ZNF280B: variants seen among roughly 807,000 people sequenced by gnomAD.
ZNF280B encodes zinc finger protein 280B.
In ZNF280B, 16 loss-of-function variants were observed where a neutral mutation model predicts 38.0. The observed-to-expected ratio is 0.42, with a 90% CI of 0.28 to 0.64. The LOEUF (loss-of-function observed/expected upper bound fraction) is 0.64, where lower values mean the gene tolerates loss of function less well. ZNF280B is among the 30% of genes least tolerant of loss of function. ZNF280B has a pLI of 0.21. For missense variants in ZNF280B, 581 were observed against 639.6 expected, an observed-to-expected ratio of 0.91 and a Z score of 0.99; for synonymous variants, 253 against 230.6, an observed-to-expected ratio of 1.10 and a Z score of -0.88.
chr22:22,488,201 C>T lies in ZNF280B; in HGVS notation c.1198G>A (p.Glu400Lys), dbSNP rs775765845. Residue 400 changes from glutamate to lysine, a missense_variant, in exon 4 of 4, where the codon GAA becomes AAA. Glu to Lys is a moderately conservative substitution (Grantham distance 56). Transcript: ENST00000626650. ...CAAACCTGGCACACATAGGGCATTT[C>T]GCCAGGCTTATGATGGTCCTTCATG... ...QHMKDHHKPGEMPYVCQVCHY... is the reference protein window; with the variant it reads ...QHMKDHHKPGKMPYVCQVCHY... 8 of 1,613,882 alleles carry T rather than the reference C, an allele frequency of 5.0e-6. No individual in the cohort carries two copies. The highest frequency in any genetic ancestry group is 1.7e-5 in the Admixed American group (1 of 59,976).
intron 2 of ZNF280B, among the ~76,000 whole-genome samples, chr22:22,495,519 G>C (rs1471989921): frequency 6.6e-6 from 1 of 151,788 alleles, no homozygotes; most frequent in Admixed American, 6.6e-5. Context: ...TATAGAATTA[G>C]GAAAAAAATA....
At chr22:22,495,917 T>C (rs563819088) in intron 2 of ZNF280B, among the ~76,000 whole-genome samples, 3 of 151,572 alleles carry the variant, frequency 2.0e-5, no homozygotes, top group African/African-American at 7.3e-5. Context: ...TTGATTCTCT[T>C]GCCTCAGCCT....
At chr22:22,504,813 G>A (rs1451450883) in intron 2 of ZNF280B, among the ~76,000 whole-genome samples, 1 of 151,922 alleles carries the variant, frequency 6.6e-6, no homozygotes, top group Non-Finnish European at 1.5e-5. Flanking sequence ...CAGAGAAAAG[G>A]AGAAAGGGAA....
In ZNF280B at chr22:22,503,072, C is replaced by T. The variant is rs183230100; in HGVS notation, c.-187+4738G>A. Among the ~76,000 whole-genome samples, 175 of 152,054 alleles carry T rather than the reference C, an allele frequency of 1.2e-3. 1 individual carries two copies. The highest frequency in any genetic ancestry group is 4.1e-3 in the African/African-American group (170 of 41,492). On this transcript the variant is annotated intron_variant, in intron 2 of 3. Coordinates refer to ENST00000626650, the MANE Select transcript of ZNF280B (RefSeq NM_080764.4). Reference sequence around the variant, plus strand: ...TAGAAGATGCAAAGAATGGATTCTCCGCTAGAGTTTCCCAGGGGAGGACAG... The same window carrying T: ...TAGAAGATGCAAAGAATGGATTCTCTGCTAGAGTTTCCCAGGGGAGGACAG...
At chr22:22,492,543 A>T (rs1014636448) in intron 3 of ZNF280B, among the ~76,000 whole-genome samples, 2 of 151,974 alleles carry the variant, frequency 1.3e-5, no homozygotes, top group Non-Finnish European at 2.9e-5. Flanking sequence ...CCACATTTCC[A>T]GTAACTACCT....
intron 2 of ZNF280B, among the ~76,000 whole-genome samples, chr22:22,506,111 A>G (rs1478166928): frequency 1.3e-5 from 2 of 151,900 alleles, no homozygotes; most frequent in Non-Finnish European, 2.9e-5. Context: ...ACAAGAGGTA[A>G]TGCTGAGCAG....
chr22:22,487,851 A>C lies in ZNF280B; in HGVS notation c.1548T>G (p.Asp516Glu). The change falls in exon 4 of 4, where the codon GAT becomes GAG. Residue 516 changes from aspartate to glutamate, a missense_variant. Coordinates refer to ENST00000626650, the MANE Select transcript of ZNF280B (RefSeq NM_080764.4). ...ATGTGCTCACAGTTATGGATGCTAC[A>C]TCCACTGATCCTGGCTGAAGAGGTT... Reference protein sequence around the residue: ...SLEPLQPGSVDVASITVSTSD... With the variant: ...SLEPLQPGSVEVASITVSTSD... The C allele has an allele frequency of 1.2e-6, 2 of 1,613,862 alleles. No homozygotes were observed. The highest frequency in any genetic ancestry group is 1.1e-5 in the South Asian group (1 of 91,066).
At chr22:22,494,875 G>A (rs1454852937) in intron 2 of ZNF280B, among the ~76,000 whole-genome samples, 3 of 151,802 alleles carry the variant, frequency 2.0e-5, no homozygotes, top group Admixed American at 1.3e-4. Flanking sequence ...TTACAGGTGC[G>A]TGCCACCACG....
At chr22:22,502,132 C>G (rs1198341229) in intron 2 of ZNF280B, among the ~76,000 whole-genome samples, 2 of 151,612 alleles carry the variant, frequency 1.3e-5, no homozygotes, top group Non-Finnish European at 2.9e-5. Flanking sequence ...GTCTCAAAAA[C>G]AAACAATAAA....
rs1237090602 is a variant in ZNF280B at position 22,488,497 on chromosome 22, T to C, written c.902A>G (p.Gln301Arg). The change falls in exon 4 of 4, where the codon CAG becomes CGG. Residue 301 changes from glutamine to arginine, a missense_variant. By Grantham distance (43) the Gln-to-Arg change is conservative (BLOSUM62 1). Coordinates refer to ENST00000626650, the MANE Select transcript of ZNF280B (RefSeq NM_080764.4). Reference protein sequence around the residue: ...GQHKGEGQPEQKTHTTFKCLS... With the variant: ...GQHKGEGQPERKTHTTFKCLS... ...GCATTTAAAGGTGGTGTGAGTCTTCTGTTCCGGCTGCCCTTCTCCTTTATG... is the reference window on the plus strand; with the variant it reads ...GCATTTAAAGGTGGTGTGAGTCTTCCGTTCCGGCTGCCCTTCTCCTTTATG... 2 of 1,613,970 alleles carry C rather than the reference T, an allele frequency of 1.2e-6. No individual in the cohort carries two copies. Among genetic ancestry groups the C allele is most frequent in the Non-Finnish European group, 8.5e-7 (1 of 1,179,990 alleles).
chr22:22,497,332 A>C (rs1481077807), intron 2 of ZNF280B, among the ~76,000 whole-genome samples: 3 of 149,844 alleles, frequency 2.0e-5, no homozygotes, highest in Non-Finnish European at 4.4e-5. Flanking sequence ...GGAGTTCGAG[A>C]CCAGCCTGAC....
At chr22:22,496,187 C>T (rs1452839681) in intron 2 of ZNF280B, among the ~76,000 whole-genome samples, 1 of 146,834 alleles carries the variant, frequency 6.8e-6, no homozygotes, top group African/African-American at 2.5e-5. Flanking sequence ...CAACTCACTG[C>T]AACTTCTCCT....
chr22:22,501,657 C>T (rs1294247555), intron 2 of ZNF280B, among the ~76,000 whole-genome samples: 4 of 151,730 alleles, frequency 2.6e-5, no homozygotes, highest in Admixed American at 6.6e-5. Context: ...ATGGGAGGAT[C>T]GCTTGAGCCC....
At chr22:22,492,090 T>C (rs1204860274) in intron 3 of ZNF280B, among the ~76,000 whole-genome samples, 3 of 152,002 alleles carry the variant, frequency 2.0e-5, no homozygotes, top group Non-Finnish European at 4.4e-5. Context: ...TAAATATGTG[T>C]ATCACCTTGG....
chr22:22,507,644 C>G (rs946915999), intron 2 of ZNF280B, among the ~76,000 whole-genome samples, 166 bp downstream of exon 2: 7 of 151,618 alleles, frequency 4.6e-5, no homozygotes, highest in African/African-American at 1.7e-4. Context: ...CCCGAATGAC[C>G]TACATCAACA....
chr22:22,488,601 A>C lies in ZNF280B; in HGVS notation c.798T>G (p.Ser266Arg), dbSNP rs752936380. The C allele has an allele frequency of 6.2e-7, 1 of 1,613,800 alleles. No individual in the cohort carries two copies. The highest frequency in any genetic ancestry group is 8.5e-7 in the Non-Finnish European group (1 of 1,179,962). Residue 266 changes from serine to arginine, a missense_variant, in exon 4 of 4, where the codon AGT (serine) becomes AGG (arginine). Physicochemically the swap from Ser to Arg is moderately radical, Grantham distance 110 (BLOSUM62 -1). Transcript: ENST00000626650. ...ANELAKTDIL[S>R]LTSQNKTFDP... ...CAAAGGTCTTGTTTTGACTTGTTAG[A>C]CTCAAAATGTCTGTTTTTGCCAATT...
intron 3 of ZNF280B, among the ~76,000 whole-genome samples, chr22:22,491,186 T>C (rs1440579895): frequency 6.6e-6 from 1 of 151,866 alleles, no homozygotes; most frequent in Non-Finnish European, 1.5e-5. Flanking sequence ...CGACTCTCCT[T>C]CATAAGATCC....
intron 2 of ZNF280B, among the ~76,000 whole-genome samples, chr22:22,504,142 A>G (rs561459111): frequency 1.8e-4 from 27 of 152,104 alleles, no homozygotes; most frequent in Middle Eastern, 3.5e-3. Context: ...GATTAAAATA[A>G]CTTGTGCCAG....
At chr22:22,494,925 A>T (rs1392565917) in intron 2 of ZNF280B, among the ~76,000 whole-genome samples, 1 of 151,878 alleles carries the variant, frequency 6.6e-6, no homozygotes, top group Non-Finnish European at 1.5e-5. Flanking sequence ...ATGGGGTTTC[A>T]CCATGTTGGC....
Sources: gnomAD v4.1 joint callset for allele counts (sites outside exome capture counted in the v4.1 genomes callset) on GRCh38, gnomAD v4.1.1 for gene constraint, MANE v1.5 for transcripts, NCBI Gene and HGNC (gene_info 2026-07-23, HGNC 2026-07-21) for gene names.